The following RGL4 variants were observed in gnomAD, a reference collection of about 807,000 sequenced individuals.
RGL4 encodes ral-GDS-related protein.
RGL4 carries 41 observed loss-of-function variants against 49.6 expected under a neutral mutation model. The ratio of observed to expected loss-of-function variants is 0.83; its 90% CI spans 0.64 to 1.07. The LOEUF (loss-of-function observed/expected upper bound fraction) is 1.07. RGL4 is among the 50% of genes least tolerant of loss of function. The probability of loss-of-function intolerance (pLI) is 0.00; values close to 1 mark genes in which losing one functional copy is unlikely to be tolerated. For missense variants in RGL4, 610 were observed against 591.9 expected, an observed-to-expected ratio of 1.03 and a Z score of -0.32; for synonymous variants, 255 against 238.0, an observed-to-expected ratio of 1.07 and a Z score of -0.66.
Position 23,699,083 on chromosome 22 carries a change from C to A in RGL4, c.*200C>A, listed in dbSNP as rs752725015. On this transcript the variant is annotated 3_prime_UTR_variant, in exon 11 of 11. Transcript: ENST00000290691. Reference sequence around the variant, plus strand: ...GGCCATGGGACTTTTGTGAGTCAGGCGGGAGACCATTTTATGTTTATTTTC... The same window carrying A: ...GGCCATGGGACTTTTGTGAGTCAGGAGGGAGACCATTTTATGTTTATTTTC... The A allele has an allele frequency of 6.5e-7, 1 of 1,539,210 alleles. No homozygotes were observed. Among genetic ancestry groups the A allele is most frequent in the Non-Finnish European group, 8.7e-7 (1 of 1,145,400 alleles).
Position 23,699,038 on chromosome 22 carries a change from G to A in RGL4, c.*155G>A. 4 of 1,546,848 alleles carry A rather than the reference G, an allele frequency of 2.6e-6. No individual in the cohort carries two copies. The highest frequency in any genetic ancestry group is 2.6e-6 in the Non-Finnish European group (3 of 1,146,524). On this transcript the variant is annotated 3_prime_UTR_variant, in exon 11 of 11. Transcript: ENST00000290691. ...TTGCCCTGGATCCTCATCACCAACT[G>A]CTCCTGCTGGCCAGGATCAGGCCAT...
At chr22:23,695,676 G>C (rs149992580) in intron 6 of RGL4, among the ~76,000 whole-genome samples, 1 of 152,374 alleles carries the variant, frequency 6.6e-6, no homozygotes, top group African/African-American at 2.4e-5. Flanking sequence ...GGTCATGTCA[G>C]AGGATTCTCA....
chr22:23,697,720 C>T, intron 8 of RGL4, 118 bp from the exon 9 acceptor site: 1 of 1,133,080 alleles, frequency 8.8e-7, no homozygotes, highest in Admixed American at 2.0e-5. Flanking sequence ...GGTCCAAGTC[C>T]TGTCGTGTGC....
rs142856756 is a variant in RGL4 at position 23,692,165 on chromosome 22, G to A, written c.135G>A (p.Leu45=). 35 of 1,614,108 alleles carry A rather than the reference G, an allele frequency of 2.2e-5. No individual in the cohort carries two copies. The African/African-American group carries it at 4.1e-4, about 19-fold the overall frequency. Residue 45 remains leucine (L), a synonymous_variant, in exon 1 of 11, where the codon CTG becomes CTA. Coordinates refer to ENST00000290691, the MANE Select transcript of RGL4 (RefSeq NM_153615.2). The part of the protein sequence containing the change: ...PGRTRVCTAL[L]YGQVCPFQDS... ...GCACGAGGGTCTGTACAGCCCTGCT[G>A]TATGGCCAGGTCTGCCCCTTCCAGG... is the stretch of plus-strand genomic sequence containing the variant.
In RGL4 at chr22:23,698,332, A is replaced by G. The variant is rs1923653392; in HGVS notation, c.1381A>G (p.Ser461Gly). 1.2e-6 allele frequency: 2 copies of G among 1,600,728 alleles called. No individual in the cohort carries two copies. The highest frequency in any genetic ancestry group is 1.7e-6 in the Non-Finnish European group (2 of 1,169,102). The part of the protein sequence containing the change: ...TRMEQLSDKE[S>G]YKLSCQLEPE... ...AATGGAGCAGCTCAGTGACAAAGAG[A>G]GGTGAGGGCCTAGCCCATGGGCTGA... is the stretch of plus-strand genomic sequence containing the variant. The change falls in exon 10 of 11, where the codon AGC (serine) becomes GGC (glycine). Residue 461 changes from serine to glycine, a missense_variant and splice_region_variant. Coordinates refer to ENST00000290691, the MANE Select transcript of RGL4 (RefSeq NM_153615.2).
Position 23,693,844 on chromosome 22 carries a change from C to A in RGL4, c.782C>A (p.Pro261His). The change falls in exon 4 of 11, where the codon CCC becomes CAC. Residue 261 changes from proline to histidine, a missense_variant. Coordinates refer to ENST00000290691, the MANE Select transcript of RGL4 (RefSeq NM_153615.2). ...CTGAAGGGGAATGAGCACATGGCAC[C>A]CACAGTTCGTGCCACCATCGCACAC... ...GHLKGNEHMA[P>H]TVRATIAHFN... 6.2e-7 allele frequency: 1 copy of A among 1,614,004 alleles called. No individual in the cohort carries two copies. The highest frequency in any genetic ancestry group is 8.5e-7 in the Non-Finnish European group (1 of 1,179,982).
chr22:23,696,066 C>T (rs1923473139), intron 6 of RGL4, among the ~76,000 whole-genome samples: 2 of 152,174 alleles, frequency 1.3e-5, no homozygotes, highest in African/African-American at 4.8e-5. Flanking sequence ...GAGACCTAGA[C>T]ACTCAAAGAC....
In RGL4 at chr22:23,697,249, A is replaced by G. The variant is rs758268805; in HGVS notation, c.1236+4A>G. Reference sequence around the variant, plus strand: ...GGCCATCCCGGACGACCTGGATGTGAGTGAGCCTGGGGCAGGGTGCTTGGG... The same window carrying G: ...GGCCATCCCGGACGACCTGGATGTGGGTGAGCCTGGGGCAGGGTGCTTGGG... On this transcript the variant is annotated splice_donor_region_variant and intron_variant, in intron 8 of 10. Coordinates refer to ENST00000290691, the MANE Select transcript of RGL4 (RefSeq NM_153615.2). 2.9e-5 allele frequency: 46 copies of G among 1,611,740 alleles called. No individual in the cohort carries two copies. Among genetic ancestry groups the G allele is most frequent in the Non-Finnish European group, 3.4e-5 (40 of 1,178,200 alleles).
Position 23,692,899 on chromosome 22 carries a change from G to C in RGL4, c.604G>C (p.Gly202Arg). The change falls in exon 3 of 11, where the codon GGG (glycine) becomes CGG (arginine). Residue 202 changes from glycine to arginine, a missense_variant. Transcript: ENST00000290691. ...CCCAGAGTCCTCCTGTCCCTGTCGT[G>C]GGTCTGTAAAGAACCAACCCAGTGA... ...SAPESSCPCRGSVKNQPSEEL... is the reference protein window; with the variant it reads ...SAPESSCPCRRSVKNQPSEEL... 2 of 1,613,630 alleles carry C rather than the reference G, an allele frequency of 1.2e-6. No individual in the cohort carries two copies. Among genetic ancestry groups the C allele is most frequent in the Non-Finnish European group, 1.7e-6 (2 of 1,180,028 alleles).
In RGL4 at chr22:23,694,980, CAAA is replaced by C. The variant is rs1486165271; in HGVS notation, c.1051_1053del (p.Lys351del). On this transcript the variant is annotated inframe_deletion, in exon 6 of 11. Coordinates refer to ENST00000290691, the MANE Select transcript of RGL4 (RefSeq NM_153615.2). ...GCATGAAAGAGCTAAAAGAACTCTG[CAAA>C]AAAGACACTGCAGTGAAGAGGGACC... 4 of 1,613,392 alleles carry C rather than the reference CAAA, an allele frequency of 2.5e-6. No individual in the cohort carries two copies. Among genetic ancestry groups the C allele is most frequent in the Non-Finnish European group, 3.4e-6 (4 of 1,179,514 alleles).
chr22:23,692,772 T>G lies in RGL4; in HGVS notation c.477T>G (p.Pro159=). 6.2e-7 allele frequency: 1 copy of G among 1,613,522 alleles called. No individual in the cohort carries two copies. Among genetic ancestry groups the G allele is most frequent in the Non-Finnish European group, 8.5e-7 (1 of 1,180,020 alleles). The stretch of plus-strand genomic sequence containing the variant: ...GGCCTGCTCTGGAGCCAGAGTCACC[T>G]GCAGCCCTGGGTCCACCAGGATATC... ...DLGPALEPES[P]AALGPPGYLH... Residue 159 remains proline (P), a synonymous_variant, in exon 3 of 11, where the codon CCT becomes CCG. Coordinates refer to ENST00000290691, the MANE Select transcript of RGL4 (RefSeq NM_153615.2).
rs760163783 is a variant in RGL4, at chr22:23,692,077, C to T, written c.47C>T (p.Ala16Val). The T allele has an allele frequency of 2.5e-6, 4 of 1,613,970 alleles. No homozygotes were observed. The African/African-American group carries it at 5.3e-5, about 22-fold the overall frequency. Residue 16 changes from alanine (A) to valine (V), a missense_variant, in exon 1 of 11, where the codon GCC (alanine) becomes GTC (valine). Ala to Val is a moderately conservative substitution (Grantham distance 64). Coordinates refer to ENST00000290691, the MANE Select transcript of RGL4 (RefSeq NM_153615.2). ...CTGCCTGCAGCTGCAGTCTTGAGTG[C>T]CCAGGTGTACAGTGCTGTGCTCCAG... ...TNLPAAAVLS[A>V]QVYSAVLQGL...
chr22:23,698,712 T>G (rs1923693948), intron 10 of RGL4, 132 bp from the exon 11 acceptor site: 1 of 1,202,110 alleles, frequency 8.3e-7, no homozygotes, highest in Non-Finnish European at 1.2e-6. Flanking sequence ...CCTATGGCCA[T>G]GCCTCCACGG....
rs758019232 is a variant in RGL4, at chr22:23,692,492, T to C, written c.337T>C (p.Leu113=). ...CCATCAGGAAATTGTCCTAGGCCAG[T>C]TGGTGCTTCCGGAGCCCAACGAGGC... The part of the protein sequence containing the change: ...EDHQEIVLGQ[L]VLPEPNEAKP... The change falls in exon 2 of 11, where the codon TTG becomes CTG. Residue 113 remains leucine, a synonymous_variant. Transcript: ENST00000290691. 54 of 1,613,952 alleles carry C rather than the reference T, an allele frequency of 3.3e-5. 1 individual carries two copies. Among genetic ancestry groups the C allele is most frequent in the South Asian group, 6.6e-5 (6 of 91,086 alleles).
rs80333520 is a variant in RGL4 at position 23,699,044 on chromosome 22, G to C, written c.*161G>C. 36,202 of 1,546,282 alleles carry C rather than the reference G, an allele frequency of 0.023. 522 individuals are homozygous for C. Among genetic ancestry groups the C allele is most frequent in the Non-Finnish European group, 0.028 (32,029 of 1,146,462 alleles). On this transcript the variant is annotated 3_prime_UTR_variant, in exon 11 of 11. Transcript: ENST00000290691. ...TGGATCCTCATCACCAACTGCTCCT[G>C]CTGGCCAGGATCAGGCCATGGGACT... is the stretch of plus-strand genomic sequence containing the variant.
chr22:23,694,784 T>C (rs552929591), intron 5 of RGL4, 166 bp from the exon 6 acceptor site: 2 of 649,542 alleles, frequency 3.1e-6, no homozygotes, highest in Admixed American at 5.0e-5. Context: ...GGGAGGAGCA[T>C]GAGAGGTCCC....
At chr22:23,695,565 G>T in intron 6 of RGL4, 1 of 413,844 alleles carries the variant, frequency 2.4e-6, no homozygotes, top group Non-Finnish European at 4.8e-6. Context: ...GTGGCAGGGA[G>T]TCCAGTAACT....
At position 23,694,348 on chromosome 22, in the gene RGL4, A is replaced by G; in HGVS notation, c.914A>G (p.Glu305Gly). ...VVEHWIKVAR[E>G]CLSLNNFSSV... ...CACAGCTCATTCTTCCCTCTCCAGG[A>G]GTGCCTAAGCCTCAACAACTTCTCC... Residue 305 changes from glutamate to glycine, a missense_variant and splice_region_variant, in exon 5 of 11, where the codon GAG becomes GGG. Coordinates refer to ENST00000290691, the MANE Select transcript of RGL4 (RefSeq NM_153615.2). 1 of 1,612,022 alleles carries G rather than the reference A, an allele frequency of 6.2e-7. No individual in the cohort carries two copies. Among genetic ancestry groups the G allele is most frequent in the Non-Finnish European group, 8.5e-7 (1 of 1,178,130 alleles).
rs1923515629 is a variant in RGL4 at position 23,696,640 on chromosome 22, G to C, written c.1113G>C (p.Gln371His). ...IKAGSFKVAT[Q>H]ERNPQRVQMR... ...CGGGGAGCTTTAAGGTGGCCACCCA[G>C]GAGAGGAACCCCCAGAGAGTCCAGA... is the stretch of plus-strand genomic sequence containing the variant. Residue 371 changes from glutamine (Q) to histidine (H), a missense_variant, in exon 7 of 11, where the codon CAG (glutamine) becomes CAC (histidine). Transcript: ENST00000290691. 1.2e-6 allele frequency: 2 copies of C among 1,613,816 alleles called. No individual in the cohort carries two copies. Among genetic ancestry groups the C allele is most frequent in the East Asian group, 2.2e-5 (1 of 44,866 alleles).
Sources: gnomAD v4.1 joint callset for allele counts (sites outside exome capture counted in the v4.1 genomes callset) on GRCh38, gnomAD v4.1.1 for gene constraint, MANE v1.5 for transcripts, NCBI Gene and HGNC (gene_info 2026-07-23, HGNC 2026-07-21) for gene names.